PEBP4: variants seen among roughly 807,000 people sequenced by gnomAD.
The protein encoded by PEBP4 is phosphatidylethanolamine binding protein 4, also known as phosphatidylethanolamine-binding protein 4.
In PEBP4, 22 loss-of-function variants were observed where a neutral mutation model predicts 23.9. That is an observed-to-expected ratio of 0.92 (90% CI 0.66 to 1.31). PEBP4 has a LOEUF of 1.31. Among genes scored for constraint, PEBP4 ranks in the 40% most tolerant of loss-of-function variants. The pLI, the probability that PEBP4 is intolerant of heterozygous loss-of-function variation, is 0.00. For synonymous variants in PEBP4, 112 were observed against 99.3 expected, an observed-to-expected ratio of 1.13 and a Z score of -0.76; for missense variants, 324 against 281.7, an observed-to-expected ratio of 1.15 and a Z score of -1.07.
intron 3 of PEBP4, among the ~76,000 whole-genome samples, chr8:22,850,716 T>C (rs1464827039): frequency 6.6e-6 from 1 of 152,092 alleles, no homozygotes; most frequent in Non-Finnish European, 1.5e-5. Flanking sequence ...GGTTTGAAAA[T>C]GAAATGAAAT....
At chr8:22,820,829 T>C (rs995114025) in intron 3 of PEBP4, among the ~76,000 whole-genome samples, 2 of 151,964 alleles carry the variant, frequency 1.3e-5, no homozygotes, top group African/African-American at 4.8e-5. Context: ...CTGTACGTCA[T>C]AAGTTGTTTA....
intron 3 of PEBP4, among the ~76,000 whole-genome samples, chr8:22,894,072 T>C (rs562137672): frequency 7.9e-5 from 12 of 152,310 alleles, no homozygotes; most frequent in African/African-American, 2.6e-4. Flanking sequence ...AATGTGTCAC[T>C]GGCAGCCCGC....
intron 3 of PEBP4, among the ~76,000 whole-genome samples, chr8:22,862,117 G>A (rs1446764728): frequency 6.6e-6 from 1 of 152,078 alleles, no homozygotes; most frequent in African/African-American, 2.4e-5. Flanking sequence ...TGAACTGAAG[G>A]TATGGGGTGA....
intron 3 of PEBP4, among the ~76,000 whole-genome samples, chr8:22,826,534 T>C (rs1445714729): frequency 2.0e-5 from 3 of 152,174 alleles, no homozygotes; most frequent in Admixed American, 6.5e-5. Context: ...GATTGGTTAA[T>C]AAACAATGAT....
chr8:22,845,876 C>T (rs1298031459), intron 3 of PEBP4, among the ~76,000 whole-genome samples: 2 of 152,232 alleles, frequency 1.3e-5, no homozygotes, highest in Admixed American at 6.5e-5. Flanking sequence ...ACGGGCCTGG[C>T]CCGGCACAGA....
In PEBP4 at chr8:22,724,964, T is replaced by A. The variant is rs756123991; in HGVS notation, c.404-8A>T. 1.2e-6 allele frequency: 2 copies of A among 1,601,188 alleles called. No individual in the cohort carries two copies. The highest frequency in any genetic ancestry group is 1.7e-6 in the Non-Finnish European group (2 of 1,168,696). On this transcript the variant is annotated splice_region_variant and splice_polypyrimidine_tract_variant and intron_variant, in intron 5 of 6. Transcript: ENST00000256404. The stretch of plus-strand genomic sequence containing the variant: ...GGGAGGGAGCCTGGTAGGCTATAGG[T>A]AGAAGCAGGAGAGAGGTGAGCATCA...
chr8:22,791,719 A>C (rs1347142607), intron 4 of PEBP4, among the ~76,000 whole-genome samples: 1 of 152,354 alleles, frequency 6.6e-6, no homozygotes, highest in East Asian at 1.9e-4. Context: ...GCCAATATTT[A>C]AGTTATCATA....
upstream of PEBP4, among the ~76,000 whole-genome samples, chr8:22,928,065 C>T (rs1056758542): frequency 2.0e-5 from 3 of 152,274 alleles, no homozygotes; most frequent in African/African-American, 4.8e-5. Context: ...GGTGCAGCTC[C>T]TTGTCCAGTC....
chr8:22,749,057 T>C (rs1019254794), intron 4 of PEBP4, among the ~76,000 whole-genome samples: 6 of 151,944 alleles, frequency 3.9e-5, no homozygotes, highest in Non-Finnish European at 8.8e-5. Context: ...GAGGTGGGTG[T>C]GGGATGTGGG....
At chr8:22,724,492 A>G (rs1336836240) in intron 6 of PEBP4, among the ~76,000 whole-genome samples, 1 of 152,196 alleles carries the variant, frequency 6.6e-6, no homozygotes, top group Admixed American at 6.5e-5. Context: ...ACAGAGCACA[A>G]TGACTTGCCA....
intron 3 of PEBP4, among the ~76,000 whole-genome samples, chr8:22,830,021 A>AGCAATACCTTCTTCCCATGACTTCTGT (rs1477217717): frequency 6.6e-6 from 1 of 152,062 alleles, no homozygotes; most frequent in Non-Finnish European, 1.5e-5. Context: ...CCTTCTTTAT[A>AGCAATACCTTCTTCCCATGACTTCTGT]GCAATACCTT....
chr8:22,921,007 A>C (rs1178806104), intron 2 of PEBP4, among the ~76,000 whole-genome samples: 2 of 152,234 alleles, frequency 1.3e-5, no homozygotes, highest in African/African-American at 4.8e-5. Flanking sequence ...CAGGGTTCTA[A>C]GAATGTGGCT....
intron 3 of PEBP4, among the ~76,000 whole-genome samples, chr8:22,867,597 C>T (rs749780483): frequency 2.6e-5 from 4 of 152,204 alleles, no homozygotes; most frequent in Non-Finnish European, 4.4e-5. Context: ...AGTTCACTGC[C>T]CTTCCCCCTC....
chr8:22,912,384 G>A (rs550491418), intron 3 of PEBP4, among the ~76,000 whole-genome samples: 5 of 152,308 alleles, frequency 3.3e-5, no homozygotes, highest in South Asian at 4.1e-4. Flanking sequence ...AGCTCCATCC[G>A]GATCTGCTCC....
chr8:22,853,804 C>G (rs143915466), intron 3 of PEBP4, among the ~76,000 whole-genome samples: 2 of 152,106 alleles, frequency 1.3e-5, no homozygotes, highest in Non-Finnish European at 2.9e-5. Context: ...CTTGTCCGGA[C>G]GAAGGCAAAG....
At chr8:22,780,973 G>T (rs1265342330) in intron 4 of PEBP4, among the ~76,000 whole-genome samples, 1 of 152,186 alleles carries the variant, frequency 6.6e-6, no homozygotes, top group Non-Finnish European at 1.5e-5. Context: ...CTCCAGCTGA[G>T]GAAACTGGCT....
chr8:22,914,907 G>C (rs539727846), intron 3 of PEBP4, among the ~76,000 whole-genome samples: 1 of 152,254 alleles, frequency 6.6e-6, no homozygotes, highest in South Asian at 2.1e-4. Flanking sequence ...CAGCTTGCCA[G>C]CGCCATGCCC....
intron 2 of PEBP4, among the ~76,000 whole-genome samples, chr8:22,927,374 G>A (rs1308594529): frequency 2.0e-5 from 3 of 152,114 alleles, no homozygotes; most frequent in African/African-American, 4.8e-5. Flanking sequence ...TGGGAGAGGT[G>A]CATTCTGGAA....
chr8:22,801,707 T>C (rs1009474988), intron 4 of PEBP4, among the ~76,000 whole-genome samples: 1 of 152,104 alleles, frequency 6.6e-6, no homozygotes, highest in African/African-American at 2.4e-5. Context: ...ACACATGCAA[T>C]GCACACATGC....
Sources: allele counts gnomAD v4.1 joint callset (sites outside exome capture counted in the v4.1 genomes callset), GRCh38; gene constraint gnomAD v4.1.1; transcripts MANE v1.5; gene names NCBI Gene and HGNC (gene_info 2026-07-23, HGNC 2026-07-21).